Variants in RELL1 observed in about 807,000 individuals in gnomAD.
RELL1 encodes the protein RELT-like protein 1.
RELL1 carries 10 observed loss-of-function variants against 23.0 expected under a neutral mutation model. That is an observed-to-expected ratio of 0.43 (90% CI 0.27 to 0.74). RELL1 has a LOEUF of 0.74. RELL1 is among the 30% of genes least tolerant of loss of function. The probability of loss-of-function intolerance (pLI) is 0.19; values close to 1 mark genes in which losing one functional copy is unlikely to be tolerated. For missense variants in RELL1, 315 were observed against 364.4 expected, an observed-to-expected ratio of 0.86 and a Z score of 1.10; for synonymous variants, 146 against 146.8, an observed-to-expected ratio of 0.99 and a Z score of 0.04.
intron 1 of RELL1, among the ~76,000 whole-genome samples, chr4:37,673,743 T>C (rs894936448): frequency 3.9e-5 from 6 of 152,182 alleles, no homozygotes; most frequent in African/African-American, 1.4e-4. Context: ...CACAGGGCCC[T>C]GTCTCCTTTC....
intron 1 of RELL1, among the ~76,000 whole-genome samples, chr4:37,662,805 C>T (rs1166413060): frequency 6.6e-6 from 1 of 151,944 alleles, no homozygotes; most frequent in African/African-American, 2.4e-5. Context: ...TCGCCCAAAG[C>T]TCCGTCTTGG....
At chr4:37,681,897 C>T (rs1425187458) in intron 1 of RELL1, among the ~76,000 whole-genome samples, 1 of 152,174 alleles carries the variant, frequency 6.6e-6, no homozygotes, top group Non-Finnish European at 1.5e-5. Flanking sequence ...CATAGCATCC[C>T]ATGACCTTGT....
In RELL1 at chr4:37,603,979, C is replaced by T. The variant is rs143263612; in HGVS notation, c.*4-12762G>A. Among the ~76,000 whole-genome samples, 238 of 152,272 alleles carry T rather than the reference C, an allele frequency of 1.6e-3. 1 individual carries two copies. The Middle Eastern group carries it at 0.017, about 11-fold the overall frequency. ...GACTGCAGGCACGGGCCATCATGCTCGGCTACTTTCTTTTGTATTTTTCAA... is the reference window on the plus strand; with the variant it reads ...GACTGCAGGCACGGGCCATCATGCTTGGCTACTTTCTTTTGTATTTTTCAA... On this transcript the variant is annotated intron_variant, in intron 6 of 6. Transcript: ENST00000314117.
chr4:37,604,236 A>G (rs1446302016), intron 6 of RELL1, among the ~76,000 whole-genome samples: 1 of 152,168 alleles, frequency 6.6e-6, no homozygotes, highest in Non-Finnish European at 1.5e-5. Flanking sequence ...GAAAGACATG[A>G]AAGCCAGTTA....
intron 1 of RELL1, among the ~76,000 whole-genome samples, chr4:37,671,872 T>C (rs1225927384): frequency 1.3e-5 from 2 of 151,978 alleles, no homozygotes; most frequent in African/African-American, 4.8e-5. Context: ...CGGGACTCTT[T>C]TGGGCAACAA....
intron 1 of RELL1, among the ~76,000 whole-genome samples, chr4:37,652,721 C>A (rs908304869): frequency 6.6e-6 from 1 of 152,156 alleles, no homozygotes; most frequent in African/African-American, 2.4e-5. Flanking sequence ...CATGTGGCAA[C>A]CCCTAACAAA....
chr4:37,660,133 G>A lies in RELL1; in HGVS notation c.89-10633C>T, dbSNP rs551861812. Among the ~76,000 whole-genome samples, 17 of 151,974 alleles carry A rather than the reference G, an allele frequency of 1.1e-4. No homozygotes were observed. The East Asian group carries it at 2.9e-3, about 26-fold the overall frequency. ...ACATTCAAATCACAGTATCTGAGAA[G>A]GGTCTATTTTTTGGTCTAGATTACC... On this transcript the variant is annotated intron_variant, in intron 1 of 6. Coordinates refer to ENST00000454158, the MANE Select transcript of RELL1 (RefSeq NM_001085400.2).
intron 1 of RELL1, among the ~76,000 whole-genome samples, chr4:37,658,491 C>G (rs1157596197): frequency 6.6e-6 from 1 of 152,170 alleles, no homozygotes; most frequent in East Asian, 1.9e-4. Context: ...AAAATGGTTA[C>G]CAGTGTTATC....
chr4:37,616,009 T>G (rs1719563207), intron 6 of RELL1, among the ~76,000 whole-genome samples: 1 of 151,980 alleles, frequency 6.6e-6, no homozygotes, highest in South Asian at 2.1e-4. Context: ...CCTTTAAAAA[T>G]TAGAAACATG....
At chr4:37,654,573 C>T (rs531502735) in intron 1 of RELL1, among the ~76,000 whole-genome samples, 10 of 152,292 alleles carry the variant, frequency 6.6e-5, no homozygotes, top group African/African-American at 2.2e-4. Context: ...ACACTGTATC[C>T]CTTCTTCTCC....
At chr4:37,668,152 C>T (rs1721602560) in intron 1 of RELL1, among the ~76,000 whole-genome samples, 2 of 152,004 alleles carry the variant, frequency 1.3e-5, no homozygotes, top group Admixed American at 6.5e-5. Context: ...ACAGTAAAAT[C>T]ACAAAATGTT....
chr4:37,590,114 C>T, downstream of RELL1: 2 of 1,613,760 alleles, frequency 1.2e-6, no homozygotes. Context: ...GTTCAAGTGC[C>T]CTCTCCTGGC....
intron 6 of RELL1, among the ~76,000 whole-genome samples, chr4:37,604,798 G>GAT (rs1719112886): frequency 8.6e-6 from 1 of 116,354 alleles, no homozygotes; most frequent in Non-Finnish European, 1.8e-5. Flanking sequence ...CACACACACA[G>GAT]ACACACACAC....
At chr4:37,622,156 C>G (rs1163551141) in intron 6 of RELL1, among the ~76,000 whole-genome samples, 1 of 152,172 alleles carries the variant, frequency 6.6e-6, no homozygotes. Flanking sequence ...AAGACAAAAT[C>G]TCAACAGTCA....
chr4:37,589,980 G>A (rs993089526), downstream of RELL1: 2 of 845,204 alleles, frequency 2.4e-6, no homozygotes, highest in African/African-American at 1.7e-5. Context: ...AGGTTGAAAA[G>A]TAATCACAGA....
At chr4:37,618,920 C>A (rs1438952381) in intron 6 of RELL1, among the ~76,000 whole-genome samples, 1 of 152,072 alleles carries the variant, frequency 6.6e-6, no homozygotes, top group Non-Finnish European at 1.5e-5. Flanking sequence ...GCTCTCGTTG[C>A]CCAGGCTGGA....
At chr4:37,649,899 A>G (rs1720846076) in intron 1 of RELL1, among the ~76,000 whole-genome samples, 1 of 152,194 alleles carries the variant, frequency 6.6e-6, no homozygotes, top group Non-Finnish European at 1.5e-5. Flanking sequence ...ACTACATTAC[A>G]TTATAGCACA....
chr4:37,604,776 G>C (rs113786025), intron 6 of RELL1, among the ~76,000 whole-genome samples: 34 of 72,590 alleles, frequency 4.7e-4, no homozygotes, highest in Middle Eastern at 8.3e-3. Flanking sequence ...CACACACACA[G>C]ACACACACAG....
chr4:37,678,215 C>T (rs940137489), intron 1 of RELL1, among the ~76,000 whole-genome samples: 1 of 152,120 alleles, frequency 6.6e-6, no homozygotes, highest in Non-Finnish European at 1.5e-5. Flanking sequence ...CTCTTGTGAA[C>T]TCACTCACTA....
Sources: allele counts gnomAD v4.1 joint callset (sites outside exome capture counted in the v4.1 genomes callset), GRCh38; gene constraint gnomAD v4.1.1; transcripts MANE v1.5; gene names NCBI Gene and HGNC (gene_info 2026-07-23, HGNC 2026-07-21).